The following CERKL variants were observed in gnomAD, a reference collection of about 807,000 sequenced individuals.
CERKL encodes ceramide kinase-like protein.
Under a neutral mutation model 63.4 loss-of-function variants are expected in CERKL, and 61 were observed. That is an observed-to-expected ratio of 0.96 (90% confidence interval 0.78 to 1.19). The LOEUF is 1.19. Among genes scored for constraint, CERKL ranks in the 50% most tolerant of loss-of-function variants. CERKL has a pLI of 0.00. For synonymous variants in CERKL, 250 were observed against 230.5 expected, an observed-to-expected ratio of 1.08 and a Z score of -0.77; for missense variants, 675 against 655.5, an observed-to-expected ratio of 1.03 and a Z score of -0.33.
Position 181,653,326 on chromosome 2 carries a change from C to A in CERKL, c.238+3443G>T, listed in dbSNP as rs572842611. 3.7e-4 allele frequency among the ~76,000 whole-genome samples: 57 copies of A among 152,252 alleles called. 1 individual carries two copies. In the South Asian group the frequency reaches 5.4e-3, roughly 14 times the overall value. The stretch of plus-strand genomic sequence containing the variant: ...CCGGTGGTATGATTGTAAACTAGTA[C>A]AGTCAATATGGAAAACAGCATGGAA... On this transcript the variant is annotated intron_variant, in intron 1 of 12. Transcript: ENST00000410087.
rs369053872 is a variant in CERKL, at chr2:181,623,667, AC to A, written c.239-19589del. 5.7e-4 allele frequency among the ~76,000 whole-genome samples: 87 copies of A among 152,320 alleles called. 3 individuals carry two copies. The South Asian group carries it at 0.017, about 30-fold the overall frequency. ...AAATAATCGTTGAACAAAGATTGGA[AC>A]AAAATAAGGGAGCATGCTGTGTAGG... is the stretch of plus-strand genomic sequence containing the variant. On this transcript the variant is annotated intron_variant, in intron 1 of 12. Transcript: ENST00000410087.
chr2:181,609,740 T>A (rs1348542937), intron 1 of CERKL, among the ~76,000 whole-genome samples: 2 of 151,322 alleles, frequency 1.3e-5, no homozygotes, highest in Non-Finnish European at 2.9e-5. Flanking sequence ...TGAGGGGGAG[T>A]ACACACCCTA....
chr2:181,640,449 T>C (rs1226595313), intron 1 of CERKL, among the ~76,000 whole-genome samples: 3 of 152,218 alleles, frequency 2.0e-5, no homozygotes, highest in African/African-American at 7.2e-5. Context: ...TTTAGGATTT[T>C]AATGATGCTT....
At chr2:181,609,344 C>A (rs1368962632) in intron 1 of CERKL, among the ~76,000 whole-genome samples, 2 of 146,328 alleles carry the variant, frequency 1.4e-5, no homozygotes, top group African/African-American at 5.1e-5. Flanking sequence ...CAAGGAATCT[C>A]ATAAAATATT....
At position 181,603,984 on chromosome 2, in the gene CERKL, G is replaced by A. The variant is rs772748858; in HGVS notation, c.334C>T (p.Gln112Ter). ...KLKRRCSVKQ[Q>*]RSGTLLGITL... Reference sequence around the variant, plus strand: ...ATACCTAATAAAGTACCACTTCTCTGCTGTTTAACAGAACAACGCCGTTTC... The same window carrying A: ...ATACCTAATAAAGTACCACTTCTCTACTGTTTAACAGAACAACGCCGTTTC... The change falls in exon 2 of 13, where the codon CAG becomes TAG. Residue 112 changes from glutamine (Q) to a stop codon, truncating the protein, a stop_gained. Coordinates refer to ENST00000410087, the MANE Select transcript of CERKL (RefSeq NM_201548.5). LOFTEE classifies it high-confidence loss of function. 6.2e-7 allele frequency: 1 copy of A among 1,613,154 alleles called. No homozygotes were observed. The highest frequency in any genetic ancestry group is 8.5e-7 in the Non-Finnish European group (1 of 1,179,568).
intron 1 of CERKL, among the ~76,000 whole-genome samples, chr2:181,639,153 A>G (rs937696807): frequency 1.3e-5 from 2 of 152,228 alleles, no homozygotes; most frequent in African/African-American, 4.8e-5. Flanking sequence ...TTTAAATTTG[A>G]AGAGTAGTAA....
At chr2:181,650,541 C>T (rs971368696) in intron 1 of CERKL, among the ~76,000 whole-genome samples, 8 of 152,224 alleles carry the variant, frequency 5.3e-5, no homozygotes, top group African/African-American at 1.7e-4. Context: ...GGCAGAACAC[C>T]TGAGGTCGGG....
chr2:181,537,797 G>A lies in CERKL; in HGVS notation c.*387C>T, dbSNP rs1354963890. 4.3e-6 allele frequency: 2 copies of A among 461,960 alleles called. No homozygotes were observed. Among genetic ancestry groups the A allele is most frequent in the Non-Finnish European group, 8.6e-6 (2 of 233,770 alleles). The allele number at this position is 461,960 out of a possible 1,614,324, so 28.6% of individuals were successfully genotyped here. A position where few individuals can be genotyped will look rare whatever the true frequency, so the allele number is the denominator to read the frequency against. Reference sequence around the variant, plus strand: ...AGAATTTGAATTGATATTTCATCTTGACTTTTAAAGCCCTAGAGGCTAATT... The same window carrying A: ...AGAATTTGAATTGATATTTCATCTTAACTTTTAAAGCCCTAGAGGCTAATT... On this transcript the variant is annotated 3_prime_UTR_variant, in exon 13 of 13. Transcript: ENST00000410087.
intron 4 of CERKL, among the ~76,000 whole-genome samples, chr2:181,561,995 C>T (rs1033085489): frequency 1.3e-5 from 2 of 151,780 alleles, no homozygotes; most frequent in African/African-American, 4.8e-5. Context: ...TGCATTTTTA[C>T]TAGAGATGGG....
At position 181,542,030 on chromosome 2, in the gene CERKL, G is replaced by A. The variant is rs202070601; in HGVS notation, c.1365+2670C>T. ...AGACAGTTCAAAAGTGAGGGGCAAT[G>A]AGGCCATCCAGGAGACGGCATCCTG... On this transcript the variant is annotated intron_variant, in intron 11 of 12. Coordinates refer to ENST00000410087, the MANE Select transcript of CERKL (RefSeq NM_201548.5). Among the ~76,000 whole-genome samples, 3 of 152,184 alleles carry A rather than the reference G, an allele frequency of 2.0e-5. No homozygotes were observed. The East Asian group carries it at 5.8e-4, about 29-fold the overall frequency.
chr2:181,645,872 C>T (rs573567880), intron 1 of CERKL, among the ~76,000 whole-genome samples: 5 of 152,222 alleles, frequency 3.3e-5, no homozygotes, highest in African/African-American at 9.6e-5. Flanking sequence ...ACAGACAAAT[C>T]CTTGCCATCT....
chr2:181,612,979 A>G (rs1357918732), intron 1 of CERKL, among the ~76,000 whole-genome samples: 2 of 152,174 alleles, frequency 1.3e-5, no homozygotes, highest in African/African-American at 4.8e-5. Flanking sequence ...TAACATATTC[A>G]TTACCTCACA....
At chr2:181,577,452 T>C (rs1358499181) in intron 2 of CERKL, among the ~76,000 whole-genome samples, 1 of 151,802 alleles carries the variant, frequency 6.6e-6, no homozygotes, top group Non-Finnish European at 1.5e-5. Context: ...CCAGGACCAG[T>C]GGTATGAAAT....
intron 2 of CERKL, among the ~76,000 whole-genome samples, chr2:181,584,592 T>G (rs1238703947): frequency 6.6e-6 from 1 of 151,894 alleles, no homozygotes; most frequent in Non-Finnish European, 1.5e-5. Flanking sequence ...GAAAAATGAA[T>G]CCAAAGTCTA....
chr2:181,609,667 C>T (rs79874852), intron 1 of CERKL, among the ~76,000 whole-genome samples: 2 of 151,768 alleles, frequency 1.3e-5, no homozygotes, highest in Non-Finnish European at 2.9e-5. Context: ...GTTCATGCCA[C>T]TGCACTCCAG....
At chr2:181,555,437 T>C (rs559478751) in intron 5 of CERKL, among the ~76,000 whole-genome samples, 2 of 152,276 alleles carry the variant, frequency 1.3e-5, no homozygotes, top group South Asian at 4.1e-4. Flanking sequence ...TTAGAAACCA[T>C]TTTAGGTTTT....
chr2:181,625,462 AT>A (rs1286044489), intron 1 of CERKL, among the ~76,000 whole-genome samples: 3 of 152,208 alleles, frequency 2.0e-5, no homozygotes, highest in African/African-American at 7.2e-5. Context: ...CTCACTTTAC[AT>A]ATGAAAATGT....
intron 1 of CERKL, among the ~76,000 whole-genome samples, chr2:181,604,875 T>C (rs79380335): frequency 0.038 from 5,825 of 151,410 alleles, 166 homozygotes; most frequent in Non-Finnish European, 0.062. Context: ...AAAAAAATAG[T>C]GGCATAAAAT....
At chr2:181,599,013 C>CT (rs1460245967) in intron 2 of CERKL, among the ~76,000 whole-genome samples, 2 of 152,142 alleles carry the variant, frequency 1.3e-5, no homozygotes, top group Admixed American at 6.5e-5. Context: ...AAGAATTGCA[C>CT]TAGCTCTATA....
Sources: allele counts gnomAD v4.1 joint callset (sites outside exome capture counted in the v4.1 genomes callset), GRCh38; gene constraint gnomAD v4.1.1; transcripts MANE v1.5; gene names NCBI Gene and HGNC (gene_info 2026-07-23, HGNC 2026-07-21).